The following ZNF431 variants were observed in gnomAD, a reference collection of about 807,000 sequenced individuals.
The protein encoded by ZNF431 is zinc finger protein 431.
In ZNF431, 34 loss-of-function variants were observed where a neutral mutation model predicts 57.0. That is an observed-to-expected ratio of 0.60 (90% CI 0.45 to 0.79). The LOEUF (loss-of-function observed/expected upper bound fraction) is 0.79. ZNF431 is among the 30% of genes least tolerant of loss of function. ZNF431 has a pLI of 0.00. For missense variants in ZNF431, 607 were observed against 667.1 expected (o/e 0.91, Z 0.99); for synonymous variants, 207 against 220.3 (o/e 0.94, Z 0.54).
Position 21,184,222 on chromosome 19 carries a change from T to TGGGC in ZNF431, c.*189_*190insGGCG. 1.9e-6 allele frequency: 1 copy of TGGGC among 516,258 alleles called. No homozygotes were observed. Among genetic ancestry groups the TGGGC allele is most frequent in the Non-Finnish European group, 3.3e-6 (1 of 298,822 alleles). 32.0% of individuals were successfully genotyped at this position (516,258 alleles called of 1,614,324 possible). A position where few individuals can be genotyped will look rare whatever the true frequency, so the allele number is the denominator to read the frequency against. The stretch of plus-strand genomic sequence containing the variant: ...AAAATTATCTGGGTGTGGTGGCACG[T>TGGGC]GCCTGTATTCCCATCTACTCGGGAG... On this transcript the variant is annotated 3_prime_UTR_variant, in exon 5 of 5. Transcript: ENST00000311048.
rs1158342285 is a variant in ZNF431, at chr19:21,189,076, C to A, written c.*5042C>A. On this transcript the variant is annotated 3_prime_UTR_variant, in exon 5 of 5. Coordinates refer to ENST00000311048, the MANE Select transcript of ZNF431 (RefSeq NM_133473.4). Reference sequence around the variant, plus strand: ...ACACAGTATTTGACACATTGTTATTCTTCTATGTTTTATAAATATTTTAAT... The same window carrying A: ...ACACAGTATTTGACACATTGTTATTATTCTATGTTTTATAAATATTTTAAT... 4 of 152,142 alleles carry A rather than the reference C, an allele frequency of 2.6e-5. No individual in the cohort carries two copies. Among genetic ancestry groups the A allele is most frequent in the African/African-American group, 7.2e-5 (3 of 41,536 alleles). The allele number at this position is 152,142 out of a possible 1,614,324, so 9.4% of individuals were successfully genotyped here.
At position 21,168,954 on chromosome 19, in the gene ZNF431, T is replaced by C. The variant is rs149546403; in HGVS notation, c.319+1288T>C. Among the ~76,000 whole-genome samples the C allele has an allele frequency of 7.5e-3, 1,140 of 151,972 alleles. 14 individuals are homozygous for C. Among genetic ancestry groups the C allele is most frequent in the African/African-American group, 0.026 (1,069 of 41,462 alleles). On this transcript the variant is annotated intron_variant, in intron 4 of 4. Coordinates refer to ENST00000311048, the MANE Select transcript of ZNF431 (RefSeq NM_133473.4). ...TGAGACACAGTCTCACTGTGTTGCC[T>C]AGGCTGGAGTGCAATGGCATAATCT...
At chr19:21,172,581 A>G (rs929829129) in intron 4 of ZNF431, among the ~76,000 whole-genome samples, 1 of 152,180 alleles carries the variant, frequency 6.6e-6, no homozygotes, top group Non-Finnish European at 1.5e-5. Context: ...CAGCAGTATC[A>G]TTTGAGCCCC....
At chr19:21,170,950 GGCGTGA>G (rs1970870104) in intron 4 of ZNF431, among the ~76,000 whole-genome samples, 1 of 152,162 alleles carries the variant, frequency 6.6e-6, no homozygotes, top group African/African-American at 2.4e-5. Flanking sequence ...TGGGATTACA[GGCGTGA>G]GCCATTGTGC....
intron 2 of ZNF431, among the ~76,000 whole-genome samples, chr19:21,158,893 T>C (rs1054539717): frequency 1.3e-5 from 2 of 152,210 alleles, no homozygotes; most frequent in Non-Finnish European, 2.9e-5. Context: ...ATTCTTGTCT[T>C]GTGCCAGTTT....
chr19:21,153,139 C>G (rs1472780806), intron 2 of ZNF431, among the ~76,000 whole-genome samples: 1 of 152,168 alleles, frequency 6.6e-6, no homozygotes, highest in African/African-American at 2.4e-5. Flanking sequence ...ACTATCATAG[C>G]ACTGGTGGGA....
chr19:21,144,601 C>T (rs1568293431), intron 2 of ZNF431, among the ~76,000 whole-genome samples: 1 of 152,014 alleles, frequency 6.6e-6, no homozygotes, highest in Non-Finnish European at 1.5e-5. Flanking sequence ...TCTCATTTAC[C>T]TTTTTCTTTC....
intron 2 of ZNF431, among the ~76,000 whole-genome samples, chr19:21,158,279 C>A (rs1278992842): frequency 6.6e-6 from 1 of 152,076 alleles, no homozygotes; most frequent in Non-Finnish European, 1.5e-5. Flanking sequence ...CTTACTGCAA[C>A]CTCTGCCTCC....
At chr19:21,143,235 A>G (rs1419128578) in intron 1 of ZNF431, among the ~76,000 whole-genome samples, 2 of 152,142 alleles carry the variant, frequency 1.3e-5, no homozygotes, top group African/African-American at 2.4e-5. Flanking sequence ...AGTTTTTTAA[A>G]AGATTTTTTA....
At position 21,189,764 on chromosome 19, in the gene ZNF431, T is replaced by G; in HGVS notation, c.*5730T>G. 2.5e-6 allele frequency: 1 copy of G among 395,502 alleles called. No homozygotes were observed. Among genetic ancestry groups the G allele is most frequent in the Non-Finnish European group, 4.5e-6 (1 of 224,558 alleles). 24.5% of individuals were successfully genotyped at this position (395,502 alleles called of 1,614,324 possible). The stretch of plus-strand genomic sequence containing the variant: ...TGGAATCCATGTGTAAGTGAAATTA[T>G]GAGACACTAATCTTTCTGTGCCTTG... On this transcript the variant is annotated 3_prime_UTR_variant, in exon 5 of 5. Coordinates refer to ENST00000311048, the MANE Select transcript of ZNF431 (RefSeq NM_133473.4).
intron 2 of ZNF431, among the ~76,000 whole-genome samples, chr19:21,147,969 G>A (rs1034944214): frequency 6.6e-6 from 1 of 151,454 alleles, no homozygotes; most frequent in Non-Finnish European, 1.5e-5. Flanking sequence ...TATGATTTAT[G>A]TCAAACCCAA....
At chr19:21,165,163 C>A (rs867402492) in intron 2 of ZNF431, among the ~76,000 whole-genome samples, 1 of 151,716 alleles carries the variant, frequency 6.6e-6, no homozygotes. Flanking sequence ...ATATGCAATG[C>A]AGAATTCCTA....
chr19:21,175,399 A>G, intron 4 of ZNF431: 1 of 694,850 alleles, frequency 1.4e-6, no homozygotes. Context: ...TACTATTACC[A>G]GTTTTATTGT....
Position 21,142,863 on chromosome 19 carries a change from A to G in ZNF431, c.3+677A>G, listed in dbSNP as rs556309009. 9.2e-5 allele frequency among the ~76,000 whole-genome samples: 14 copies of G among 152,304 alleles called. 1 individual carries two copies. In the South Asian group the frequency reaches 1.0e-3, roughly 11 times the overall value. On this transcript the variant is annotated intron_variant, in intron 1 of 4. Coordinates refer to ENST00000311048, the MANE Select transcript of ZNF431 (RefSeq NM_133473.4). ...TTAGGGCTGAGTTTTGTTTCTCTCA[A>G]TGTAGTAATTTACTGAAAAATGTAC...
At chr19:21,175,004 G>A (rs1342257495) in intron 4 of ZNF431, among the ~76,000 whole-genome samples, 2 of 151,946 alleles carry the variant, frequency 1.3e-5, no homozygotes, top group Admixed American at 1.3e-4. Flanking sequence ...TGATCTGCCC[G>A]CCTTGGCCTC....
chr19:21,188,557 AAT>A lies in ZNF431; in HGVS notation c.*4524_*4525del, dbSNP rs1351944123. ...AATGAAATGACTTCAGTGGATTTAA[AAT>A]TTTGAAAAATAATGTCTTTTCTATA... On this transcript the variant is annotated 3_prime_UTR_variant, in exon 5 of 5. Transcript: ENST00000311048. 6.6e-6 allele frequency: 1 copy of A among 152,204 alleles called. No homozygotes were observed. Among genetic ancestry groups the A allele is most frequent in the Non-Finnish European group, 1.5e-5 (1 of 68,030 alleles). The allele number at this position is 152,204 out of a possible 1,614,324, so 9.4% of individuals were successfully genotyped here.
chr19:21,147,594 G>A (rs1970135722), intron 2 of ZNF431, among the ~76,000 whole-genome samples: 1 of 101,256 alleles, frequency 9.9e-6, no homozygotes, highest in Non-Finnish European at 2.2e-5. Flanking sequence ...AAGTCTTAGG[G>A]CAGTCACAGT....
chr19:21,150,145 G>T (rs1970230014), intron 2 of ZNF431: 1 of 617,318 alleles, frequency 1.6e-6, no homozygotes, highest in Non-Finnish European at 3.1e-6. Context: ...GTCTGTACTT[G>T]TAGGCTAGCT....
rs376798185 is a variant in ZNF431, at chr19:21,183,609, G to A, written c.1306G>A (p.Ala436Thr). The change falls in exon 5 of 5, where the codon GCT becomes ACT. Residue 436 changes from alanine to threonine, a missense_variant. By Grantham distance (58) the Ala-to-Thr change is moderately conservative. Transcript: ENST00000311048. ...CTACAAATGTGAAGAATGTGGCAAA[G>A]CTTTTAACCGGTCCCCACAACTTAC... is the stretch of plus-strand genomic sequence containing the variant. ...KPYKCEECGK[A>T]FNRSPQLTAH... 5 of 1,613,142 alleles carry A rather than the reference G, an allele frequency of 3.1e-6. No homozygotes were observed. In the African/African-American group the frequency reaches 5.3e-5, roughly 17 times the overall value.
Sources: gnomAD v4.1 joint callset for allele counts (sites outside exome capture counted in the v4.1 genomes callset) on GRCh38, gnomAD v4.1.1 for gene constraint, MANE v1.5 for transcripts, NCBI Gene and HGNC (gene_info 2026-07-23, HGNC 2026-07-21) for gene names.